Variants in CHAF1A observed in about 807,000 individuals in gnomAD.
CHAF1A encodes the protein chromatin assembly factor 1 subunit A, also known as CAF-1 subunit A.
CHAF1A carries 5 observed loss-of-function variants against 93.2 expected under a neutral mutation model. The ratio of observed to expected loss-of-function variants is 0.05; its 90% CI spans 0.03 to 0.11. The LOEUF (loss-of-function observed/expected upper bound fraction) is 0.11. Ranked by LOEUF, CHAF1A falls within the 10% of genes least tolerant of loss-of-function variation. CHAF1A has a pLI of 1.00. For synonymous variants in CHAF1A, 504 were observed against 510.3 expected, an observed-to-expected ratio of 0.99 and a Z score of 0.17; for missense variants, 1,102 against 1,259.9, an observed-to-expected ratio of 0.87 and a Z score of 1.90.
chr19:4,428,291 CT>C (rs71166995), intron 7 of CHAF1A, among the ~76,000 whole-genome samples: 45,372 of 138,026 alleles, frequency 0.33, 7,375 homozygotes, highest in East Asian at 0.59. Context: ...TGCCCCCGGC[CT>C]TTTTTTTTTT....
chr19:4,417,132 C>T (rs1017069260), intron 3 of CHAF1A, among the ~76,000 whole-genome samples: 9 of 152,094 alleles, frequency 5.9e-5, no homozygotes, highest in Admixed American at 5.2e-4. Context: ...CCACAACACC[C>T]GACTAACTAA....
chr19:4,419,029 A>ATTTTTTTTTTTTTTTTTT lies in CHAF1A; in HGVS notation c.1017+960_1017+977dup, dbSNP rs11406470. Among the ~76,000 whole-genome samples the ATTTTTTTTTTTTTTTTTT allele has an allele frequency of 1.0e-4, 10 of 96,448 alleles. 1 individual carries two copies. The highest frequency in any genetic ancestry group is 1.3e-4 in the African/African-American group (3 of 23,306). 63.3% of individuals were successfully genotyped at this position (96,448 alleles called of 152,430 possible). A position where few individuals can be genotyped will look rare whatever the true frequency, so the allele number is the denominator to read the frequency against. ...AGGCACTTGCTGCCATAGCCAGCTA[A>ATTTTTTTTTTTTTTTTTT]TTTTTTTTTTTTTTTTTTTTTTTTG... On this transcript the variant is annotated intron_variant, in intron 4 of 14. Coordinates refer to ENST00000301280, the MANE Select transcript of CHAF1A (RefSeq NM_005483.3).
At position 4,422,238 on chromosome 19, in the gene CHAF1A, T is replaced by A. The variant is rs529550589; in HGVS notation, c.1018-328T>A. ...CATCTTGGCCAGGCTGGTCTCGAAC[T>A]CCTGACCTCAGGTGATCCACTTGCC... On this transcript the variant is annotated intron_variant, in intron 4 of 14. Transcript: ENST00000301280. The surrounding 1 kb of genome is among the most constrained non-coding windows in gnomAD (Gnocchi z 4.6). Among the ~76,000 whole-genome samples, 1 of 152,268 alleles carries A rather than the reference T, an allele frequency of 6.6e-6. No individual in the cohort carries two copies. The highest frequency in any genetic ancestry group is 2.1e-4 in the South Asian group (1 of 4,826).
In CHAF1A at chr19:4,429,479, C is replaced by T. The variant is rs759946376; in HGVS notation, c.1646C>T (p.Pro549Leu). 1 of 1,613,912 alleles carries T rather than the reference C, an allele frequency of 6.2e-7. No homozygotes were observed. Among genetic ancestry groups the T allele is most frequent in the Non-Finnish European group, 8.5e-7 (1 of 1,179,978 alleles). The change falls in exon 9 of 15, where the codon CCC becomes CTC. Residue 549 changes from proline (P) to leucine (L), a missense_variant. By Grantham distance (98) the Pro-to-Leu change is moderately conservative. Transcript: ENST00000301280. ...IVERGKGDGV[P>L]ERRKFGRMKL... ...GAGCGTGGGAAGGGCGACGGTGTTC[C>T]CGAGAGGAGGAAGTTTGGCAGGATG...
intron 3 of CHAF1A, among the ~76,000 whole-genome samples, chr19:4,417,521 C>T (rs928929783): frequency 5.3e-4 from 72 of 136,306 alleles, no homozygotes; most frequent in African/African-American, 1.6e-3. Flanking sequence ...AGTATGGTGG[C>T]GCAATCTCGG....
In CHAF1A at chr19:4,416,655, C is replaced by T. The variant is rs529331923; in HGVS notation, c.961-1365C>T. ...CCTGAATTCCTAGCACTTTGGGAGGCGAGGCGGGTGGATCACCTGAGGTCA... is the reference window on the plus strand; with the variant it reads ...CCTGAATTCCTAGCACTTTGGGAGGTGAGGCGGGTGGATCACCTGAGGTCA... On this transcript the variant is annotated intron_variant, in intron 3 of 14. Coordinates refer to ENST00000301280, the MANE Select transcript of CHAF1A (RefSeq NM_005483.3). Among the ~76,000 whole-genome samples the T allele has an allele frequency of 4.7e-3, 193 of 41,394 alleles. 1 individual carries two copies. In the South Asian group the frequency reaches 0.063, roughly 13 times the overall value. 27.2% of individuals were successfully genotyped at this position (41,394 alleles called of 152,430 possible). A position where few individuals can be genotyped will look rare whatever the true frequency, so the allele number is the denominator to read the frequency against.
chr19:4,425,442 CG>C (rs904956378), intron 7 of CHAF1A, among the ~76,000 whole-genome samples: 3 of 151,980 alleles, frequency 2.0e-5, no homozygotes, highest in African/African-American at 7.3e-5. Context: ...TTAGTAGAGA[CG>C]GGGTTTCACC....
At chr19:4,447,229 C>T (rs1032340198), downstream of CHAF1A, 7 of 572,930 alleles carry the variant, frequency 1.2e-5, no homozygotes, top group African/African-American at 9.4e-5. Flanking sequence ...CCTGCCCTTT[C>T]CCCCAGAAGA....
rs1056569284 is a variant in CHAF1A at position 4,408,725 on chromosome 19, G to A, written c.104-178G>A. ...CCTGACCTTGTGATCTGCTTGCCTC[G>A]GCCTCCCCAAAGTGCTGGGATTACA... On this transcript the variant is annotated intron_variant, in intron 2 of 14. Transcript: ENST00000301280. Among the ~76,000 whole-genome samples, 3 of 151,090 alleles carry A rather than the reference G, an allele frequency of 2.0e-5. No homozygotes were observed. The highest frequency in any genetic ancestry group is 7.3e-5 in the African/African-American group (3 of 41,018).
intron 13 of CHAF1A, among the ~76,000 whole-genome samples, chr19:4,434,948 A>G (rs572529518): frequency 6.6e-6 from 1 of 152,216 alleles, no homozygotes; most frequent in East Asian, 1.9e-4. Context: ...TCTGGTCTTA[A>G]GAAACTCTCA....
chr19:4,415,134 C>T (rs183394165), intron 3 of CHAF1A, among the ~76,000 whole-genome samples: 2 of 151,938 alleles, frequency 1.3e-5, no homozygotes, highest in Non-Finnish European at 1.5e-5. Context: ...GCTGTCTGAC[C>T]GGGCTCCAGC....
At chr19:4,407,769 G>A (rs771399800) in intron 2 of CHAF1A, among the ~76,000 whole-genome samples, 1 of 152,110 alleles carries the variant, frequency 6.6e-6, no homozygotes, top group Non-Finnish European at 1.5e-5. Context: ...CCAACATGGC[G>A]AAACCCTGTC....
At chr19:4,411,644 C>CTTTTTTTTTTTTTTTTTTT (rs66491258) in intron 3 of CHAF1A, among the ~76,000 whole-genome samples, 2,112 of 48,112 alleles carry the variant, frequency 0.044, 657 homozygotes, top group Middle Eastern at 0.081. Flanking sequence ...TGGTGCAAAT[C>CTTTTTTTTTTTTTTTTTTT]TTTTTTTTTT....
chr19:4,411,540 A>AT (rs1174689200), intron 3 of CHAF1A, among the ~76,000 whole-genome samples: 1 of 144,156 alleles, frequency 6.9e-6, no homozygotes, highest in East Asian at 2.0e-4. Context: ...AAGAGCATTT[A>AT]TTTTTCTGAA....
intron 3 of CHAF1A, among the ~76,000 whole-genome samples, chr19:4,413,988 C>T (rs1159600861): frequency 6.6e-6 from 1 of 152,200 alleles, no homozygotes; most frequent in Admixed American, 6.5e-5. Context: ...GATTATTTGA[C>T]AAATGATCAT....
chr19:4,441,271 C>T (rs1303398428), intron 13 of CHAF1A, among the ~76,000 whole-genome samples: 3 of 151,692 alleles, frequency 2.0e-5, no homozygotes, highest in South Asian at 2.1e-4. Flanking sequence ...GAGCCAAGAT[C>T]GCACCACTGC....
chr19:4,439,284 A>C (rs2145149492), intron 13 of CHAF1A, among the ~76,000 whole-genome samples: 1 of 148,000 alleles, frequency 6.8e-6, no homozygotes, highest in Admixed American at 6.7e-5. Flanking sequence ...GCGTCTCAGA[A>C]AAAAAAAAAA....
intron 13 of CHAF1A, among the ~76,000 whole-genome samples, chr19:4,437,119 C>T (rs1434968928): frequency 6.6e-6 from 1 of 152,150 alleles, no homozygotes; most frequent in African/African-American, 2.4e-5. Flanking sequence ...CCTCCTGGGG[C>T]TCAGCAGTGC....
rs1974224728 is a variant in CHAF1A, at chr19:4,433,380, G to A, written c.2514G>A (p.Gln838=). The part of the protein sequence containing the change: ...FQQEHLPVPC[Q]WSYVTSVPSA... The stretch of plus-strand genomic sequence containing the variant: ...AGGAGCACCTGCCCGTGCCGTGCCA[G>A]TGGAGCTATGTGACATCGGTGCCCT... Residue 838 remains glutamine, a synonymous_variant, in exon 13 of 15, where the codon CAG becomes CAA. Coordinates refer to ENST00000301280, the MANE Select transcript of CHAF1A (RefSeq NM_005483.3). The surrounding 1 kb of genome is among the most constrained non-coding windows in gnomAD (Gnocchi z 5.6). 6.2e-7 allele frequency: 1 copy of A among 1,612,904 alleles called. No individual in the cohort carries two copies. The highest frequency in any genetic ancestry group is 1.7e-5 in the Admixed American group (1 of 60,002).
Sources: gnomAD v4.1 joint callset for allele counts (sites outside exome capture counted in the v4.1 genomes callset) on GRCh38, gnomAD v4.1.1 for gene constraint, Gnocchi (gnomAD v3.1) non-coding constraint, MANE v1.5 for transcripts, NCBI Gene and HGNC (gene_info 2026-07-23, HGNC 2026-07-21) for gene names.